SRBD1: variants seen among roughly 807,000 people sequenced by gnomAD.
The protein encoded by SRBD1 is S1 RNA-binding domain-containing protein 1.
Under a neutral mutation model 115.3 loss-of-function variants are expected in SRBD1, and 88 were observed. The ratio of observed to expected loss-of-function variants is 0.76; its 90% CI spans 0.64 to 0.91. The LOEUF is 0.91. Among genes scored for constraint, SRBD1 ranks in the 40% least tolerant of loss-of-function variants. SRBD1 has a pLI of 0.00. For missense variants in SRBD1, 1,385 were observed against 1,177.4 expected, an observed-to-expected ratio of 1.18 and a Z score of -2.58; for synonymous variants, 509 against 407.7, an observed-to-expected ratio of 1.25 and a Z score of -2.99.
rs923041003 is a variant in SRBD1, at chr2:45,455,631, C to T, written c.2049+21362G>A. ...ATAGGGAAGGGGACTTCCCTGTCAC[C>T]CCCCTTCTGATAGGGATAACAAGCA... On this transcript the variant is annotated intron_variant, in intron 16 of 20. Transcript: ENST00000263736. Among the ~76,000 whole-genome samples, 55 of 151,918 alleles carry T rather than the reference C, an allele frequency of 3.6e-4. 1 individual carries two copies. Among genetic ancestry groups the T allele is most frequent in the African/African-American group, 1.1e-3 (47 of 41,496 alleles).
At chr2:45,580,194 T>C (rs1031143292) in intron 6 of SRBD1, among the ~76,000 whole-genome samples, 181 bp from the exon 7 acceptor site, 2 of 152,224 alleles carry the variant, frequency 1.3e-5, no homozygotes, top group African/African-American at 4.8e-5. Flanking sequence ...AGATGGTATG[T>C]GCTTTATCTT....
intron 14 of SRBD1, among the ~76,000 whole-genome samples, chr2:45,524,252 G>A (rs767326613): frequency 1.6e-4 from 24 of 152,134 alleles, no homozygotes; most frequent in Non-Finnish European, 3.1e-4. Flanking sequence ...AGATGAGAAT[G>A]TCTGCTCTTG....
At chr2:45,605,656 C>A (rs1674244992) in intron 1 of SRBD1, among the ~76,000 whole-genome samples, 1 of 152,160 alleles carries the variant, frequency 6.6e-6, no homozygotes, top group African/African-American at 2.4e-5. Flanking sequence ...GTAATCCCAG[C>A]ACTTTGGGAG....
Position 45,579,893 on chromosome 2 carries a change from T to C in SRBD1, c.1054A>G (p.Ile352Val), listed in dbSNP as rs765266555. ...CCAGTACCTTTAACGTCAGGCCTAA[T>C]GTACGATAGCAGACTGAGCTCCCCT... The part of the protein sequence containing the change: ...KPGELSLLSY[I>V]RPDVKGLSTL... The change falls in exon 7 of 21, where the codon ATT (isoleucine) becomes GTT (valine). Residue 352 changes from isoleucine to valine, a missense_variant. Ile to Val is a conservative substitution (Grantham distance 29). Transcript: ENST00000263736. The C allele has an allele frequency of 6.9e-6, 11 of 1,597,876 alleles. No homozygotes were observed. The highest frequency in any genetic ancestry group is 1.4e-5 in the African/African-American group (1 of 73,740).
intron 9 of SRBD1, among the ~76,000 whole-genome samples, chr2:45,571,540 A>AAAAAAAAAAAAAAAAAC (rs1558486313): frequency 6.8e-6 from 1 of 147,600 alleles, no homozygotes; most frequent in Non-Finnish European, 1.5e-5. Flanking sequence ...AAAAAAAAAA[A>AAAAAAAAAAAAAAAAAC]AACTGTCCAT....
chr2:45,452,800 G>C (rs76044149), intron 16 of SRBD1, among the ~76,000 whole-genome samples: 4,935 of 151,880 alleles, frequency 0.032, 282 homozygotes, highest in African/African-American at 0.11. Flanking sequence ...GTGGGGGGGC[G>C]TAAGTTGGTT....
chr2:45,499,423 AAAT>A (rs761778613), intron 14 of SRBD1, among the ~76,000 whole-genome samples: 12 of 152,118 alleles, frequency 7.9e-5, no homozygotes, highest in African/African-American at 1.4e-4. Context: ...GATAGTTTGC[AAAT>A]AATTTCTCCC....
At position 45,454,513 on chromosome 2, in the gene SRBD1, A is replaced by C. The variant is rs181897289; in HGVS notation, c.2049+22480T>G. On this transcript the variant is annotated intron_variant, in intron 16 of 20. Transcript: ENST00000263736. The stretch of plus-strand genomic sequence containing the variant: ...AACGGCACTGTGAAGGACTCCATTG[A>C]ATAGTAACATGTTATAAAACATCAA... 3.1e-3 allele frequency among the ~76,000 whole-genome samples: 475 copies of C among 152,000 alleles called. 1 individual carries two copies. Among genetic ancestry groups the C allele is most frequent in the Non-Finnish European group, 4.8e-3 (323 of 67,826 alleles).
intron 2 of SRBD1, 146 bp downstream of exon 2, chr2:45,605,216 G>T: frequency 3.1e-6 from 2 of 652,832 alleles, no homozygotes; most frequent in South Asian, 1.9e-5. Flanking sequence ...AACACAGCAT[G>T]AGTTCAACAA....
intron 15 of SRBD1, among the ~76,000 whole-genome samples, chr2:45,483,789 A>T (rs890349098): frequency 1.3e-5 from 2 of 152,126 alleles, no homozygotes; most frequent in Non-Finnish European, 2.9e-5. Context: ...GAATTTTTTC[A>T]CTATAATGCT....
chr2:45,445,001 T>C (rs17393934), intron 16 of SRBD1, among the ~76,000 whole-genome samples: 45,596 of 152,074 alleles, frequency 0.3, 8,942 homozygotes, highest in Non-Finnish European at 0.44. Context: ...TGCTCTCCAT[T>C]TTAGGAACTC....
chr2:45,538,744 T>C (rs1453367502), intron 14 of SRBD1, among the ~76,000 whole-genome samples: 4 of 152,202 alleles, frequency 2.6e-5, no homozygotes, highest in Non-Finnish European at 4.4e-5. Context: ...AATCTGACAT[T>C]TATAGGTGAT....
rs535691982 is a variant in SRBD1, at chr2:45,531,550, C to T, written c.1874+15182G>A. Among the ~76,000 whole-genome samples the T allele has an allele frequency of 2.6e-4, 39 of 151,072 alleles. 3 individuals carry two copies. Among genetic ancestry groups the T allele is most frequent in the Non-Finnish European group, 4.4e-4 (30 of 67,690 alleles). ...GATTAAGAAAGTTCTACAGTAAAGA[C>T]GATAGGAATAGATCCAAAGACAATC... On this transcript the variant is annotated intron_variant, in intron 14 of 20. Coordinates refer to ENST00000263736, the MANE Select transcript of SRBD1 (RefSeq NM_018079.5).
At chr2:45,456,814 T>C (rs1490057493) in intron 16 of SRBD1, among the ~76,000 whole-genome samples, 6 of 151,950 alleles carry the variant, frequency 3.9e-5, no homozygotes, top group Non-Finnish European at 5.9e-5. Flanking sequence ...ATTAATTACT[T>C]ATGACTTACA....
intron 16 of SRBD1, among the ~76,000 whole-genome samples, chr2:45,475,506 C>G (rs116316632): frequency 3.8e-3 from 583 of 152,280 alleles, no homozygotes; most frequent in Non-Finnish European, 6.8e-3. Flanking sequence ...ATCTCTGAAT[C>G]CCAATCTGGA....
chr2:45,400,217 G>A (rs1336841859), intron 19 of SRBD1, among the ~76,000 whole-genome samples: 2 of 152,116 alleles, frequency 1.3e-5, no homozygotes, highest in African/African-American at 4.8e-5. Context: ...CTGAGAATCA[G>A]AAGACAAGCT....
intron 11 of SRBD1, among the ~76,000 whole-genome samples, chr2:45,552,814 T>C (rs1417615831): frequency 6.6e-6 from 1 of 152,180 alleles, no homozygotes; most frequent in Non-Finnish European, 1.5e-5. Context: ...TTTTTAATAG[T>C]ACCTGCTCAC....
chr2:45,421,506 C>A (rs62127102), intron 16 of SRBD1, among the ~76,000 whole-genome samples: 2 of 48,068 alleles, frequency 4.2e-5, no homozygotes, highest in Non-Finnish European at 7.3e-5. Context: ...GACTCCGTCT[C>A]AAACAAAAAA....
chr2:45,547,469 A>G, intron 13 of SRBD1, 53 bp downstream of exon 13: 1 of 1,497,046 alleles, frequency 6.7e-7, no homozygotes, highest in Non-Finnish European at 9.2e-7. Flanking sequence ...CTTCAAAGGT[A>G]TCTCTGGTTG....
Sources: gnomAD v4.1 joint callset for allele counts (sites outside exome capture counted in the v4.1 genomes callset) on GRCh38, gnomAD v4.1.1 for gene constraint, MANE v1.5 for transcripts, NCBI Gene and HGNC (gene_info 2026-07-23, HGNC 2026-07-21) for gene names.